Variants in YAF2 observed in about 807,000 individuals in gnomAD.
YAF2 encodes YY1-associated factor 2.
YAF2 carries 7 observed loss-of-function variants against 20.1 expected under a neutral mutation model. That is an observed-to-expected ratio of 0.35 (90% CI 0.20 to 0.65). The LOEUF is 0.65. YAF2 is among the 30% of genes least tolerant of loss of function. The pLI is 0.69. For synonymous variants in YAF2, 74 were observed against 76.0 expected, an observed-to-expected ratio of 0.97 and a Z score of 0.14; for missense variants, 151 against 219.2, an observed-to-expected ratio of 0.69 and a Z score of 1.96.
chr12:42,201,837 T>A (rs2066906610), intron 2 of YAF2, among the ~76,000 whole-genome samples: 1 of 152,210 alleles, frequency 6.6e-6, no homozygotes, highest in South Asian at 2.1e-4. Flanking sequence ...CTCCCCAGAT[T>A]GATGGCATTA....
intron 2 of YAF2, among the ~76,000 whole-genome samples, chr12:42,222,996 G>A (rs2067567694): frequency 6.7e-6 from 1 of 150,218 alleles, no homozygotes; most frequent in Admixed American, 6.7e-5. Flanking sequence ...GTAAAAAGCT[G>A]TGTCTTTCAT....
intron 1 of YAF2, 73 bp from the exon 2 acceptor site, chr12:42,237,797 GCCGCCCCCGCC>G (rs2068225399): frequency 1.8e-6 from 2 of 1,127,924 alleles, no homozygotes. Flanking sequence ...GGGCCCCGCG[GCCGCCCCCGCC>G]CCGCCCCCCG....
intron 2 of YAF2, among the ~76,000 whole-genome samples, chr12:42,203,997 A>G (rs2066970902): frequency 6.6e-6 from 1 of 152,182 alleles, no homozygotes; most frequent in African/African-American, 2.4e-5. Flanking sequence ...GCTGCAGTAC[A>G]CTATGATCAT....
At chr12:42,210,838 T>C in intron 2 of YAF2, 1 of 566,144 alleles carries the variant, frequency 1.8e-6, no homozygotes, top group South Asian at 3.7e-5. Context: ...ACTTCTCACA[T>C]TATCAGAAAC....
intron 2 of YAF2, among the ~76,000 whole-genome samples, chr12:42,195,484 T>C (rs1407200446): frequency 6.6e-6 from 1 of 152,168 alleles, no homozygotes; most frequent in Non-Finnish European, 1.5e-5. Context: ...GGGAAAAAAG[T>C]ATCTTGTAAG....
chr12:42,191,848 G>C (rs981023616), intron 2 of YAF2, among the ~76,000 whole-genome samples: 1 of 152,150 alleles, frequency 6.6e-6, no homozygotes, highest in African/African-American at 2.4e-5. Flanking sequence ...AGCAGTTTGG[G>C]AGGCTGAGGT....
At chr12:42,224,821 G>A (rs1305681044) in intron 2 of YAF2, among the ~76,000 whole-genome samples, 1 of 152,156 alleles carries the variant, frequency 6.6e-6, no homozygotes, top group Non-Finnish European at 1.5e-5. Flanking sequence ...TTTGTGAATA[G>A]TGCTGCAATA....
intron 2 of YAF2, chr12:42,210,477 C>T (rs1024363013): frequency 8.5e-6 from 13 of 1,535,542 alleles, no homozygotes; most frequent in Admixed American, 5.9e-5. Flanking sequence ...GCAGTACAGA[C>T]GTATATGTAA....
Position 42,157,123 on chromosome 12 carries a change from T to C in YAF2, c.*3466A>G, listed in dbSNP as rs2065723746. 1 of 152,136 alleles carries C rather than the reference T, an allele frequency of 6.6e-6. No individual in the cohort carries two copies. The highest frequency in any genetic ancestry group is 6.5e-5 in the Admixed American group (1 of 15,268). The allele number at this position is 152,136 out of a possible 1,614,324, so 9.4% of individuals were successfully genotyped here. ...GGGCAATTTATAAAGAAAACAGATTTATTTTGGCTTATGAGTCCAAAGGCT... is the reference window on the plus strand; with the variant it reads ...GGGCAATTTATAAAGAAAACAGATTCATTTTGGCTTATGAGTCCAAAGGCT... On this transcript the variant is annotated 3_prime_UTR_variant, in exon 4 of 4. Coordinates refer to ENST00000534854, the MANE Select transcript of YAF2 (RefSeq NM_005748.6).
intron 2 of YAF2, among the ~76,000 whole-genome samples, chr12:42,168,396 C>T (rs952336555): frequency 6.6e-6 from 1 of 151,616 alleles, no homozygotes; most frequent in Non-Finnish European, 1.5e-5. Flanking sequence ...TGGTTAGGCT[C>T]GTCTTGAACT....
chr12:42,207,434 CTATA>C (rs2067075091), intron 2 of YAF2, among the ~76,000 whole-genome samples: 2 of 151,738 alleles, frequency 1.3e-5, no homozygotes, highest in East Asian at 3.9e-4. Context: ...ACTCTCAAAA[CTATA>C]TACTCTTTTT....
At chr12:42,203,649 T>C (rs2137176188) in intron 2 of YAF2, among the ~76,000 whole-genome samples, 1 of 152,276 alleles carries the variant, frequency 6.6e-6, no homozygotes, top group African/African-American at 2.4e-5. Context: ...CTAGATTTTT[T>C]CCTAAATTTT....
Position 42,210,494 on chromosome 12 carries a change from T to C in YAF2, c.152+27105A>G, listed in dbSNP as rs768257019. On this transcript the variant is annotated intron_variant, in intron 2 of 3. Coordinates refer to ENST00000534854, the MANE Select transcript of YAF2 (RefSeq NM_005748.6). ...AGTACAGACGTATATGTAAGAAAGTTTGGGGGAGGGGATTTGGGAGATGCT... is the reference window on the plus strand; with the variant it reads ...AGTACAGACGTATATGTAAGAAAGTCTGGGGGAGGGGATTTGGGAGATGCT... 3.5e-5 allele frequency: 54 copies of C among 1,535,646 alleles called. No individual in the cohort carries two copies. The South Asian group carries it at 4.6e-4, about 13-fold the overall frequency.
At position 42,159,928 on chromosome 12, in the gene YAF2, T is replaced by C. The variant is rs546888377; in HGVS notation, c.*661A>G. The C allele has an allele frequency of 1.3e-5, 2 of 152,438 alleles. No individual in the cohort carries two copies. The highest frequency in any genetic ancestry group is 2.9e-5 in the Non-Finnish European group (2 of 67,980). The allele number at this position is 152,438 out of a possible 1,614,324, so 9.4% of individuals were successfully genotyped here. On this transcript the variant is annotated 3_prime_UTR_variant, in exon 4 of 4. Transcript: ENST00000534854. ...TTGTTTACTAGTCCGCTAGTAAACA[T>C]TACAATAAATGAATGTTTTGAAAAA...
intron 2 of YAF2, among the ~76,000 whole-genome samples, chr12:42,173,442 CAA>C (rs2066102984): frequency 6.6e-6 from 1 of 152,166 alleles, no homozygotes; most frequent in African/African-American, 2.4e-5. Flanking sequence ...AAGTTTTCAG[CAA>C]AGCCTCTCAA....
At chr12:42,170,967 C>T (rs376836378) in intron 2 of YAF2, among the ~76,000 whole-genome samples, 2 of 152,028 alleles carry the variant, frequency 1.3e-5, no homozygotes, top group African/African-American at 4.8e-5. Flanking sequence ...ACTAGAGCAA[C>T]GTAAGTGGTC....
At chr12:42,207,155 G>C (rs1184160127) in intron 2 of YAF2, among the ~76,000 whole-genome samples, 1 of 152,122 alleles carries the variant, frequency 6.6e-6, no homozygotes, top group Non-Finnish European at 1.5e-5. Context: ...CTATGAGATT[G>C]AACAGAATCG....
chr12:42,162,917 G>A (rs1430932820), intron 2 of YAF2, among the ~76,000 whole-genome samples: 1 of 152,158 alleles, frequency 6.6e-6, no homozygotes, highest in African/African-American at 2.4e-5. Context: ...AGTTTGAGAT[G>A]TAGATTAAGA....
chr12:42,166,651 G>A (rs1420747489), intron 2 of YAF2, among the ~76,000 whole-genome samples: 2 of 152,108 alleles, frequency 1.3e-5, no homozygotes, highest in African/African-American at 2.4e-5. Flanking sequence ...GAAGACTCAT[G>A]GTCTGAGATT....
Sources: allele counts gnomAD v4.1 joint callset (sites outside exome capture counted in the v4.1 genomes callset), GRCh38; gene constraint gnomAD v4.1.1; transcripts MANE v1.5; gene names NCBI Gene and HGNC (gene_info 2026-07-23, HGNC 2026-07-21).